NOVA1: variants seen among roughly 807,000 people sequenced by gnomAD.
NOVA1 encodes NOVA alternative splicing regulator 1.
Under a neutral mutation model 38.0 loss-of-function variants are expected in NOVA1, and 7 were observed. That is an observed-to-expected ratio of 0.18 (90% confidence interval 0.10 to 0.35). The LOEUF (loss-of-function observed/expected upper bound fraction) is 0.35. Among genes scored for constraint, NOVA1 ranks in the 10% least tolerant of loss-of-function variants. The pLI is 1.00. For synonymous variants in NOVA1, 270 were observed against 232.5 expected (o/e 1.16, Z -1.47); for missense variants, 460 against 616.0 (o/e 0.75, Z 2.68).
At chr14:26,553,868 C>G (rs1369390062) in intron 2 of NOVA1, among the ~76,000 whole-genome samples, 1 of 151,934 alleles carries the variant, frequency 6.6e-6, no homozygotes, top group Admixed American at 6.6e-5. Flanking sequence ...AGGACTAGGC[C>G]GGGCCAGGTG....
At chr14:26,580,109 T>C (rs1157446538) in intron 2 of NOVA1, among the ~76,000 whole-genome samples, 2 of 151,968 alleles carry the variant, frequency 1.3e-5, no homozygotes, top group Non-Finnish European at 2.9e-5. Flanking sequence ...AAAATAAGCC[T>C]TATGAATTAT....
intron 2 of NOVA1, among the ~76,000 whole-genome samples, chr14:26,516,644 T>A (rs1310485361): frequency 1.3e-5 from 2 of 152,178 alleles, no homozygotes; most frequent in Admixed American, 1.3e-4. Flanking sequence ...TAAGGTAACA[T>A]TTGGCCTAAA....
At chr14:26,507,210 G>A (rs1383673000) in intron 2 of NOVA1, among the ~76,000 whole-genome samples, 1 of 151,824 alleles carries the variant, frequency 6.6e-6, no homozygotes, top group African/African-American at 2.4e-5. Context: ...CAGATAAAGG[G>A]CACACCTACT....
intron 2 of NOVA1, among the ~76,000 whole-genome samples, chr14:26,577,974 G>GA (rs1258739131): frequency 6.8e-6 from 1 of 148,118 alleles, no homozygotes; most frequent in African/African-American, 2.5e-5. Flanking sequence ...ACCACGGACA[G>GA]AAAAAAAGAA....
At chr14:26,501,267 G>A (rs900678536) in intron 2 of NOVA1, among the ~76,000 whole-genome samples, 4 of 151,966 alleles carry the variant, frequency 2.6e-5, no homozygotes, top group Admixed American at 6.6e-5. Context: ...TTTTGACATT[G>A]CTAAGATAAT....
chr14:26,574,023 CTT>C (rs780944723), intron 2 of NOVA1, among the ~76,000 whole-genome samples: 4,800 of 120,854 alleles, frequency 0.04, 81 homozygotes, highest in South Asian at 0.097. Flanking sequence ...AAAGATTACA[CTT>C]TTTTTTTTTT....
chr14:26,575,578 G>A (rs1264026870), intron 2 of NOVA1, among the ~76,000 whole-genome samples: 2 of 151,868 alleles, frequency 1.3e-5, no homozygotes, highest in Non-Finnish European at 2.9e-5. Context: ...TATAATCCAG[G>A]AAGCCACAAC....
At chr14:26,497,366 A>G (rs1377686699) in intron 2 of NOVA1, among the ~76,000 whole-genome samples, 2 of 152,190 alleles carry the variant, frequency 1.3e-5, no homozygotes, top group African/African-American at 4.8e-5. Context: ...AAATGGCCAT[A>G]CTGCCCAAGG....
At chr14:26,496,302 G>T (rs1479422333) in intron 2 of NOVA1, among the ~76,000 whole-genome samples, 1 of 152,188 alleles carries the variant, frequency 6.6e-6, no homozygotes, top group Non-Finnish European at 1.5e-5. Flanking sequence ...CTTCTTTTGA[G>T]AAGTGGCTGT....
chr14:26,532,998 T>C (rs1427479464), intron 2 of NOVA1, among the ~76,000 whole-genome samples: 1 of 152,208 alleles, frequency 6.6e-6, no homozygotes, highest in Non-Finnish European at 1.5e-5. Flanking sequence ...TAGATAACTT[T>C]GGTTTCTAAC....
intron 2 of NOVA1, among the ~76,000 whole-genome samples, chr14:26,523,899 C>T (rs529901372): frequency 3.9e-5 from 6 of 151,948 alleles, no homozygotes; most frequent in South Asian, 2.1e-4. Flanking sequence ...TACAGGCGCC[C>T]GACACCATGC....
chr14:26,543,409 T>C (rs546431664), intron 2 of NOVA1, among the ~76,000 whole-genome samples: 88 of 152,036 alleles, frequency 5.8e-4, no homozygotes, highest in Non-Finnish European at 9.6e-4. Flanking sequence ...AGTTCATCAA[T>C]AAGTAAGTCA....
chr14:26,487,440 A>G (rs1037907482), intron 2 of NOVA1, among the ~76,000 whole-genome samples: 10 of 152,058 alleles, frequency 6.6e-5, no homozygotes, highest in Non-Finnish European at 1.5e-5. Context: ...GAATTATAAT[A>G]CATATATTTA....
At chr14:26,547,738 A>G (rs997614945) in intron 2 of NOVA1, among the ~76,000 whole-genome samples, 20 of 152,160 alleles carry the variant, frequency 1.3e-4, no homozygotes, top group Middle Eastern at 3.2e-3. Flanking sequence ...AGAAAGTGCC[A>G]AAGAATCAAT....
At chr14:26,509,550 T>C (rs1421739283) in intron 2 of NOVA1, among the ~76,000 whole-genome samples, 1 of 152,220 alleles carries the variant, frequency 6.6e-6, no homozygotes. Flanking sequence ...AGAGATTTTA[T>C]AGATAAAATT....
At chr14:26,455,392 C>G (rs1188980455) in intron 4 of NOVA1, among the ~76,000 whole-genome samples, 1 of 151,942 alleles carries the variant, frequency 6.6e-6, no homozygotes, top group Non-Finnish European at 1.5e-5. Context: ...GTGGTCTTAC[C>G]CTGGCTCTGC....
At position 26,533,173 on chromosome 14, in the gene NOVA1, C is replaced by T. The variant is rs146621392; in HGVS notation, c.281-53030G>A. ...ATACAACTGACAGGAAGTTAGAAGT[C>T]GTCTTGACTTCTCCCTCATCTACCG... On this transcript the variant is annotated intron_variant, in intron 2 of 4. Coordinates refer to ENST00000539517, the MANE Select transcript of NOVA1 (RefSeq NM_002515.3). Among the ~76,000 whole-genome samples the T allele has an allele frequency of 7.2e-5, 11 of 152,278 alleles. 1 individual carries two copies. In the East Asian group the frequency reaches 2.1e-3, roughly 29 times the overall value.
chr14:26,556,166 A>G (rs148000904), intron 2 of NOVA1, among the ~76,000 whole-genome samples: 80 of 152,288 alleles, frequency 5.3e-4, no homozygotes, highest in Non-Finnish European at 7.9e-4. Context: ...CTAAAGATTT[A>G]TACAAAAAAA....
At chr14:26,484,221 C>T (rs1404462870) in intron 2 of NOVA1, among the ~76,000 whole-genome samples, 1 of 151,430 alleles carries the variant, frequency 6.6e-6, no homozygotes, top group Admixed American at 6.6e-5. Flanking sequence ...GATCATGAGG[C>T]CAGAAGATCG....
Sources: gnomAD v4.1 joint callset for allele counts (sites outside exome capture counted in the v4.1 genomes callset) on GRCh38, gnomAD v4.1.1 for gene constraint, MANE v1.5 for transcripts, NCBI Gene and HGNC (gene_info 2026-07-23, HGNC 2026-07-21) for gene names.